Variants in KRT40 observed in about 807,000 individuals in gnomAD.
The protein encoded by KRT40 is keratin 40.
In KRT40, 47 loss-of-function variants were observed where a neutral mutation model predicts 43.5. That is an observed-to-expected ratio of 1.08 (90% CI 0.86 to 1.38). The LOEUF is 1.38. Ranked by LOEUF, KRT40 falls within the 40% of genes most tolerant of loss-of-function variation. The probability of loss-of-function intolerance (pLI) is 0.00; values close to 1 mark genes in which losing one functional copy is unlikely to be tolerated. For missense variants in KRT40, 573 were observed against 523.6 expected, an observed-to-expected ratio of 1.09 and a Z score of -0.92; for synonymous variants, 212 against 214.0, an observed-to-expected ratio of 0.99 and a Z score of 0.08.
Position 40,980,911 on chromosome 17 carries a change from C to T in KRT40, c.850-1G>A, listed in dbSNP as rs550933285. The stretch of plus-strand genomic sequence containing the variant: ...GTTGCTGCTGATTCAGCTCTTCTGT[C>T]TGAAACACAGACACCATTAGAGAAT... On this transcript the variant is annotated splice_acceptor_variant, in intron 4 of 6. Transcript: ENST00000377755. LOFTEE classifies it high-confidence loss of function. 13 of 1,614,076 alleles carry T rather than the reference C, an allele frequency of 8.1e-6. No individual in the cohort carries two copies. The South Asian group carries it at 9.9e-5, about 12-fold the overall frequency.
chr17:40,981,736 T>G (rs1025441806), intron 3 of KRT40, among the ~76,000 whole-genome samples: 1 of 152,162 alleles, frequency 6.6e-6, no homozygotes, highest in Non-Finnish European at 1.5e-5. Context: ...TGAAGTTACC[T>G]CCTCCACAAA....
intron 2 of KRT40, among the ~76,000 whole-genome samples, chr17:40,982,732 G>A (rs1457441858): frequency 6.6e-6 from 1 of 152,176 alleles, no homozygotes; most frequent in East Asian, 1.9e-4. Context: ...AGCCGGGCGT[G>A]GTGGCTCATG....
At chr17:40,980,002 T>G (rs1198093845) in intron 5 of KRT40, among the ~76,000 whole-genome samples, 1 of 152,046 alleles carries the variant, frequency 6.6e-6, no homozygotes, top group Non-Finnish European at 1.5e-5. Flanking sequence ...AAATATCACA[T>G]CTACGTAAAA....
rs1179013123 is a variant in KRT40, at chr17:40,977,724, T to A, written c.*473A>T. 1.3e-5 allele frequency: 2 copies of A among 152,316 alleles called. No individual in the cohort carries two copies. Among genetic ancestry groups the A allele is most frequent in the Non-Finnish European group, 2.9e-5 (2 of 68,106 alleles). The allele number at this position is 152,316 out of a possible 1,614,324, so 9.4% of individuals were successfully genotyped here. On this transcript the variant is annotated 3_prime_UTR_variant, in exon 7 of 7. Coordinates refer to ENST00000377755, the MANE Select transcript of KRT40 (RefSeq NM_001389244.1). ...TTTTATAATCAAAAAATACATTTTA[T>A]CATATTTTATTCCTAATATTTTTCC...
At position 40,978,880 on chromosome 17, in the gene KRT40, C is replaced by T. The variant is rs1911952597; in HGVS notation, c.1120G>A (p.Val374Met). The part of the protein sequence containing the change: ...DLERQNQEYQ[V>M]LLDVKARLEG... ...AGCCGGGCCTTCACGTCCAGGAGCA[C>T]CTGGTACTCCTGGTTCTGTCGCTCC... Residue 374 changes from valine (V) to methionine (M), a missense_variant, in exon 6 of 7, where the codon GTG (valine) becomes ATG (methionine). By Grantham distance (21) the Val-to-Met change is conservative. Coordinates refer to ENST00000377755, the MANE Select transcript of KRT40 (RefSeq NM_001389244.1). The T allele has an allele frequency of 1.2e-6, 2 of 1,613,900 alleles. No homozygotes were observed. The highest frequency in any genetic ancestry group is 1.7e-6 in the Non-Finnish European group (2 of 1,180,032).
In KRT40 at chr17:40,981,474, G is replaced by A. The variant is rs143995238; in HGVS notation, c.688-323C>T. ...TTAGCTATGATTGTCATCAACAAAC[G>A]TTCAAAGAGCAAATGTACTTTGTTA... On this transcript the variant is annotated intron_variant, in intron 3 of 6. Coordinates refer to ENST00000377755, the MANE Select transcript of KRT40 (RefSeq NM_001389244.1). 1,192 of 507,482 alleles carry A rather than the reference G, an allele frequency of 2.3e-3. 24 individuals are homozygous for A. Among genetic ancestry groups the A allele is most frequent in the South Asian group, 0.016 (792 of 48,592 alleles). 31.4% of individuals were successfully genotyped at this position (507,482 alleles called of 1,614,324 possible).
At chr17:40,986,236 G>A (rs1407689091), upstream of KRT40, 1 of 149,218 alleles carries the variant, frequency 6.7e-6, no homozygotes, top group African/African-American at 2.6e-5. Flanking sequence ...TGCACAATGT[G>A]ATAAATAAAT....
chr17:40,983,742 C>A (rs1912305205), intron 1 of KRT40, 85 bp downstream of exon 1: 1 of 1,360,896 alleles, frequency 7.3e-7, no homozygotes, highest in Non-Finnish European at 1.0e-6. Flanking sequence ...CCTTGGTTTC[C>A]TTCTGTAAAA....
At position 40,981,007 on chromosome 17, in the gene KRT40, C is replaced by A; in HGVS notation, c.832G>T (p.Glu278Ter). 1 of 1,614,264 alleles carries A rather than the reference C, an allele frequency of 6.2e-7. No individual in the cohort carries two copies. Among genetic ancestry groups the A allele is most frequent in the Non-Finnish European group, 8.5e-7 (1 of 1,180,056 alleles). ...GTACTGACCTGAACAGCCAACCATTCTTCAGCTTCTCTGCGATTGTTGGCA... is the reference window on the plus strand; with the variant it reads ...GTACTGACCTGAACAGCCAACCATTATTCAGCTTCTCTGCGATTGTTGGCA... ...VLANNRREAE[E>*]WLAVQTEELN... The change falls in exon 4 of 7, where the codon GAA becomes TAA. Residue 278 changes from glutamate (E) to a stop codon, truncating the protein, a stop_gained. Transcript: ENST00000377755. LOFTEE classifies it high-confidence loss of function.
chr17:40,980,109 G>T (rs1314400470), intron 5 of KRT40, among the ~76,000 whole-genome samples: 1 of 152,228 alleles, frequency 6.6e-6, no homozygotes, highest in East Asian at 1.9e-4. Context: ...TTCCAAGTTT[G>T]CCTCTTAGAA....
intron 4 of KRT40, 25 bp from the exon 5 acceptor site, chr17:40,980,935 A>G: frequency 1.2e-6 from 2 of 1,614,178 alleles, no homozygotes; most frequent in Non-Finnish European, 1.7e-6. Context: ...CCATTAGAGA[A>G]TTCAAAAAAG....
chr17:40,978,991 C>G lies in KRT40; in HGVS notation c.1009G>C (p.Glu337Gln). 1 of 1,613,988 alleles carries G rather than the reference C, an allele frequency of 6.2e-7. No homozygotes were observed. The highest frequency in any genetic ancestry group is 1.1e-5 in the South Asian group (1 of 91,076). ...ESLECTVAET[E>Q]AQYSSQLAQI... ...GCCAGCTGGGAGCTGTACTGGGCCT[C>G]GGTTTCTGCCACGGTGCATTCCAGA... is the stretch of plus-strand genomic sequence containing the variant. Residue 337 changes from glutamate to glutamine, a missense_variant, in exon 6 of 7, where the codon GAG becomes CAG. Transcript: ENST00000377755.
In KRT40 at chr17:40,984,004, C is replaced by A. The variant is rs767246403; in HGVS notation, c.270G>T (p.Lys90Asn). 9 of 1,614,114 alleles carry A rather than the reference C, an allele frequency of 5.6e-6. 1 individual carries two copies. The South Asian group carries it at 9.9e-5, about 18-fold the overall frequency. Reference protein sequence around the residue: ...CEDGVFTSNEKETMQFLNDRL... With the variant: ...CEDGVFTSNENETMQFLNDRL... ...TGTCATTCAGGAACTGCATCGTCTC[C>A]TTCTCATTGCTAGTGAACACCCCAT... Residue 90 changes from lysine to asparagine, a missense_variant, in exon 1 of 7, where the codon AAG becomes AAT. Transcript: ENST00000377755.
At chr17:40,981,555 T>C (rs539294594) in intron 3 of KRT40, among the ~76,000 whole-genome samples, 3 of 152,362 alleles carry the variant, frequency 2.0e-5, no homozygotes, top group Non-Finnish European at 2.9e-5. Flanking sequence ...CTGTATATTT[T>C]ATGATTTTTA....
rs1280718241 is a variant in KRT40 at position 40,981,089 on chromosome 17, G to A, written c.750C>T (p.Pro250=). 5 of 1,614,228 alleles carry A rather than the reference G, an allele frequency of 3.1e-6. No individual in the cohort carries two copies. The highest frequency in any genetic ancestry group is 3.3e-4 in the Middle Eastern group (2 of 6,062). ...DRLSVELDTA[P]TLDLNRVLDE... is the part of the protein sequence containing the mutation. Reference sequence around the variant, plus strand: ...CCAGGACCCTGTTGAGGTCAAGGGTGGGGGCAGTGTCCAGCTCCACACTGA... The same window carrying A: ...CCAGGACCCTGTTGAGGTCAAGGGTAGGGGCAGTGTCCAGCTCCACACTGA... The change falls in exon 4 of 7, where the codon CCC becomes CCT. Residue 250 remains proline (P), a synonymous_variant. Transcript: ENST00000377755.
upstream of KRT40, among the ~76,000 whole-genome samples, chr17:40,985,085 A>C (rs1036158838): frequency 5.3e-5 from 8 of 152,194 alleles, no homozygotes; most frequent in Non-Finnish European, 1.2e-4. Context: ...TGAAATATAA[A>C]TTCTAAGTTA....
rs1343178340 is a variant in KRT40, at chr17:40,984,036, A to G, written c.238T>C (p.Cys80Arg). Residue 80 changes from cysteine (C) to arginine (R), a missense_variant, in exon 1 of 7, where the codon TGT becomes CGT. By Grantham distance (180) the Cys-to-Arg change is radical. Transcript: ENST00000377755. ...TTGCTAGTGAACACCCCATCCTCACACCAGGCACAGTTCCCCACCAAGCAG... is the reference window on the plus strand; with the variant it reads ...TTGCTAGTGAACACCCCATCCTCACGCCAGGCACAGTTCCCCACCAAGCAG... ...SPCLVGNCAW[C>R]EDGVFTSNEK... 9 of 1,613,878 alleles carry G rather than the reference A, an allele frequency of 5.6e-6. No homozygotes were observed. Among genetic ancestry groups the G allele is most frequent in the Non-Finnish European group, 7.6e-6 (9 of 1,180,010 alleles).
intron 5 of KRT40, among the ~76,000 whole-genome samples, chr17:40,979,726 C>T (rs1912027425): frequency 6.6e-6 from 1 of 151,994 alleles, no homozygotes; most frequent in South Asian, 2.1e-4. Context: ...GCTCTGGATA[C>T]CAGAGGCTGG....
chr17:40,983,626 T>C (rs1912299156), intron 1 of KRT40, among the ~76,000 whole-genome samples: 2 of 152,234 alleles, frequency 1.3e-5, no homozygotes, highest in Non-Finnish European at 2.9e-5. Context: ...TACTTTATTA[T>C]AGTCACTCAG....
Sources: allele counts gnomAD v4.1 joint callset (sites outside exome capture counted in the v4.1 genomes callset), GRCh38; gene constraint gnomAD v4.1.1; transcripts MANE v1.5; gene names NCBI Gene and HGNC (gene_info 2026-07-23, HGNC 2026-07-21).